The following KCNT1 variants were observed in gnomAD, a reference collection of about 807,000 sequenced individuals.
KCNT1 encodes the protein potassium channel subfamily T member 1.
In KCNT1, 78 loss-of-function variants were observed where a neutral mutation model predicts 147.8. The ratio of observed to expected loss-of-function variants is 0.53; its 90% CI spans 0.44 to 0.64. The LOEUF (loss-of-function observed/expected upper bound fraction) is 0.64. KCNT1 is among the 30% of genes least tolerant of loss of function. The pLI is 0.00. For synonymous variants in KCNT1, 867 were observed against 748.8 expected, an observed-to-expected ratio of 1.16 and a Z score of -2.58; for missense variants, 1,419 against 1,750.3, an observed-to-expected ratio of 0.81 and a Z score of 3.38.
intron 14 of KCNT1, 63 bp from the exon 15 acceptor site, chr9:135,768,766 G>A (rs1038636864): frequency 1.6e-5 from 25 of 1,552,810 alleles, no homozygotes; most frequent in African/African-American, 5.4e-5. Flanking sequence ...CCAGGCTGCC[G>A]GTGCCGCCCA....
At chr9:135,774,034 GGT>G (rs141610016) in intron 19 of KCNT1, among the ~76,000 whole-genome samples, 11 of 151,560 alleles carry the variant, frequency 7.3e-5, no homozygotes, top group Non-Finnish European at 1.3e-4. Flanking sequence ...GGGTGTGTCC[GGT>G]GTGTGTGTGT....
intron 2 of KCNT1, among the ~76,000 whole-genome samples, chr9:135,720,480 G>GC (rs1564318649): frequency 6.6e-6 from 1 of 152,078 alleles, no homozygotes; most frequent in Non-Finnish European, 1.5e-5. Flanking sequence ...TTGCATAAGT[G>GC]CCCTCCTCCT....
intron 18 of KCNT1, among the ~76,000 whole-genome samples, chr9:135,771,844 C>T (rs866606181): frequency 6.6e-6 from 1 of 152,202 alleles, no homozygotes; most frequent in African/African-American, 2.4e-5. Context: ...GCCACAGACC[C>T]ACAGCCGGGC....
intron 13 of KCNT1, chr9:135,766,718 C>T (rs62583547): frequency 0.13 from 20,122 of 152,720 alleles, 1,514 homozygotes; most frequent in Non-Finnish European, 0.18. Context: ...ATGAGCAGGA[C>T]CCTGCAGCCA....
intron 2 of KCNT1, among the ~76,000 whole-genome samples, chr9:135,749,165 C>T (rs1428695308): frequency 6.6e-6 from 1 of 152,208 alleles, no homozygotes; most frequent in Admixed American, 6.5e-5. Context: ...CGCATCCCAG[C>T]ACAGCCGGGC....
At chr9:135,725,105 C>T (rs896621297) in intron 2 of KCNT1, among the ~76,000 whole-genome samples, 1 of 152,326 alleles carries the variant, frequency 6.6e-6, no homozygotes, top group Admixed American at 6.5e-5. Context: ...CCCTTGGTGG[C>T]TCAATGGCCC....
At chr9:135,786,056 C>G in intron 28 of KCNT1, 141 bp from the exon 29 acceptor site, 2 of 701,996 alleles carry the variant, frequency 2.8e-6, no homozygotes, top group Non-Finnish European at 4.7e-6. Flanking sequence ...TGTCGTCGTC[C>G]TCTTCCCTAA....
At chr9:135,746,219 A>G (rs1404097235) in intron 2 of KCNT1, among the ~76,000 whole-genome samples, 2 of 152,186 alleles carry the variant, frequency 1.3e-5, no homozygotes, top group African/African-American at 2.4e-5. Flanking sequence ...GGAGTCTGCC[A>G]GGCCCCAGCG....
intron 6 of KCNT1, among the ~76,000 whole-genome samples, chr9:135,756,631 C>G (rs1682096402): frequency 6.6e-6 from 1 of 152,164 alleles, no homozygotes; most frequent in Non-Finnish European, 1.5e-5. Context: ...TCCATCCCAC[C>G]CTGGGCCTAG....
At position 135,754,936 on chromosome 9, in the gene KCNT1, G is replaced by A. The variant is rs77379813; in HGVS notation, c.492-185G>A. On this transcript the variant is annotated intron_variant, in intron 5 of 30. Coordinates refer to ENST00000371757, the MANE Select transcript of KCNT1 (RefSeq NM_020822.3). Reference sequence around the variant, plus strand: ...TCCTGCTCCATCCTCCTCTCTTGGGGAACCTTCCCTTCCCTCCTCCTTATG... The same window carrying A: ...TCCTGCTCCATCCTCCTCTCTTGGGAAACCTTCCCTTCCCTCCTCCTTATG... Among the ~76,000 whole-genome samples the A allele has an allele frequency of 2.6e-5, 4 of 152,318 alleles. No individual in the cohort carries two copies. In the East Asian group the frequency reaches 7.7e-4, roughly 29 times the overall value.
At chr9:135,747,582 C>T (rs533182221) in intron 2 of KCNT1, among the ~76,000 whole-genome samples, 58 of 152,266 alleles carry the variant, frequency 3.8e-4, no homozygotes, top group African/African-American at 1.3e-3. Flanking sequence ...GCGGACAGAC[C>T]CCCCAAAGAG....
chr9:135,709,668 C>T (rs1835408388), intron 1 of KCNT1, among the ~76,000 whole-genome samples: 1 of 152,202 alleles, frequency 6.6e-6, no homozygotes, highest in Non-Finnish European at 1.5e-5. Flanking sequence ...TTGAACCTCA[C>T]TCATCCATCC....
chr9:135,734,788 C>T (rs1057472962), intron 2 of KCNT1, among the ~76,000 whole-genome samples: 1 of 152,132 alleles, frequency 6.6e-6, no homozygotes, highest in Non-Finnish European at 1.5e-5. Flanking sequence ...GGAATGTGAG[C>T]GAGCCGCATC....
rs538195121 is a variant in KCNT1, at chr9:135,750,506, G to T, written c.334+329G>T. 258 of 476,096 alleles carry T rather than the reference G, an allele frequency of 5.4e-4. 1 individual carries two copies. Among genetic ancestry groups the T allele is most frequent in the African/African-American group, 4.8e-3 (248 of 51,236 alleles). 29.5% of individuals were successfully genotyped at this position (476,096 alleles called of 1,614,324 possible). On this transcript the variant is annotated intron_variant, in intron 3 of 30. Transcript: ENST00000371757. ...CCAGCAAGGTCTCCCCTGTGGCCAC[G>T]CCCTGCCTCCCACCCCTCCATACAG...
intron 2 of KCNT1, among the ~76,000 whole-genome samples, chr9:135,728,758 G>A (rs1393385953): frequency 6.6e-6 from 1 of 152,210 alleles, no homozygotes; most frequent in East Asian, 1.9e-4. Flanking sequence ...CTCAGCAGCT[G>A]GTGAGCTCAA....
chr9:135,771,205 G>A (rs370823091), intron 18 of KCNT1, 110 bp downstream of exon 18: 3 of 1,015,774 alleles, frequency 3.0e-6, no homozygotes, highest in Admixed American at 2.2e-5. Flanking sequence ...AGGACAGGGG[G>A]AGGTGACCAG....
rs1194218244 is a variant in KCNT1, at chr9:135,730,270, G to A, written c.254+15550G>A. On this transcript the variant is annotated intron_variant, in intron 2 of 30. Transcript: ENST00000371757. This position sits in a 1 kb window ranked among gnomAD's most constrained non-coding sequence, Gnocchi z 4.7. ...ATCAGGTGTGGACCCATGGAGTTCCGTGGACCTGCCGTGTGTGGTGGGCCA... is the reference window on the plus strand; with the variant it reads ...ATCAGGTGTGGACCCATGGAGTTCCATGGACCTGCCGTGTGTGGTGGGCCA... Among the ~76,000 whole-genome samples, 12 of 152,178 alleles carry A rather than the reference G, an allele frequency of 7.9e-5. No individual in the cohort carries two copies. The highest frequency in any genetic ancestry group is 1.6e-4 in the Non-Finnish European group (11 of 68,040).
intron 29 of KCNT1, among the ~76,000 whole-genome samples, chr9:135,787,465 G>A (rs1241338170): frequency 6.6e-6 from 1 of 152,208 alleles, no homozygotes; most frequent in East Asian, 1.9e-4. Flanking sequence ...CTTGCCTGAT[G>A]CTCAGGGCTG....
chr9:135,732,004 A>AGG lies in KCNT1; in HGVS notation c.254+17285_254+17286insGG, dbSNP rs1417030666. ...TATATATATATATAGAGAGAGAGAG[A>AGG]GAGAGAGAGAGAGAGAGAGAGAGAG... On this transcript the variant is annotated intron_variant, in intron 2 of 30. Transcript: ENST00000371757. Among the ~76,000 whole-genome samples the AGG allele has an allele frequency of 1.5e-3, 124 of 82,802 alleles. 20 individuals carry two copies. Among genetic ancestry groups the AGG allele is most frequent in the Non-Finnish European group, 2.0e-4 (8 of 39,874 alleles). 54.3% of individuals were successfully genotyped at this position (82,802 alleles called of 152,430 possible). A position where few individuals can be genotyped will look rare whatever the true frequency, so the allele number is the denominator to read the frequency against.
Sources: allele counts gnomAD v4.1 joint callset (sites outside exome capture counted in the v4.1 genomes callset), GRCh38; gene constraint gnomAD v4.1.1; non-coding constraint Gnocchi (gnomAD v3.1); transcripts MANE v1.5; gene names NCBI Gene and HGNC (gene_info 2026-07-23, HGNC 2026-07-21).